The following FBXL20 variants were observed in gnomAD, a reference collection of about 807,000 sequenced individuals.
FBXL20 encodes the protein F-box/LRR-repeat protein 20.
FBXL20 carries 11 observed loss-of-function variants against 64.0 expected under a neutral mutation model. That is an observed-to-expected ratio of 0.17 (90% CI 0.11 to 0.28). The LOEUF (loss-of-function observed/expected upper bound fraction) is 0.28, where lower values mean the gene tolerates loss of function less well. Among genes scored for constraint, FBXL20 ranks in the 10% least tolerant of loss-of-function variants. The pLI, the probability that FBXL20 is intolerant of heterozygous loss-of-function variation, is 1.00. For synonymous variants in FBXL20, 184 were observed against 189.0 expected, an observed-to-expected ratio of 0.97 and a Z score of 0.22; for missense variants, 303 against 526.2, an observed-to-expected ratio of 0.58 and a Z score of 4.15.
rs921238757 is a variant in FBXL20, at chr17:39,316,861, C to T, written c.105-13222G>A. Among the ~76,000 whole-genome samples the T allele has an allele frequency of 1.1e-4, 16 of 152,272 alleles. 1 individual carries two copies. The highest frequency in any genetic ancestry group is 8.5e-4 in the Admixed American group (13 of 15,286). ...AAAATGAGCCGGGCATGGTGCTGGGCGCCTGTAATCCCAGCTACGCAGGAG... is the reference window on the plus strand; with the variant it reads ...AAAATGAGCCGGGCATGGTGCTGGGTGCCTGTAATCCCAGCTACGCAGGAG... On this transcript the variant is annotated intron_variant, in intron 2 of 14. Coordinates refer to ENST00000264658, the MANE Select transcript of FBXL20 (RefSeq NM_032875.3).
intron 6 of FBXL20, among the ~76,000 whole-genome samples, chr17:39,292,338 A>T (rs1281401028): frequency 6.7e-6 from 1 of 150,040 alleles, no homozygotes; most frequent in African/African-American, 2.5e-5. Context: ...CATTTTTTTA[A>T]ATTTTTGCAC....
At chr17:39,396,584 G>A (rs1417527360) in intron 1 of FBXL20, among the ~76,000 whole-genome samples, 6 of 126,586 alleles carry the variant, frequency 4.7e-5, no homozygotes, top group South Asian at 2.4e-4. Flanking sequence ...CGACAAAAGC[G>A]AAACTCCGTC....
intron 11 of FBXL20, among the ~76,000 whole-genome samples, chr17:39,270,407 G>A (rs982170171): frequency 1.1e-4 from 16 of 152,216 alleles, no homozygotes; most frequent in Non-Finnish European, 1.6e-4. Context: ...AGCTGGATGT[G>A]GTGGCACATG....
intron 6 of FBXL20, among the ~76,000 whole-genome samples, chr17:39,291,425 ACTTTT>A (rs1335191543): frequency 7.8e-5 from 11 of 141,116 alleles, no homozygotes; most frequent in Non-Finnish European, 1.5e-4. Context: ...TGATTTTAAA[ACTTTT>A]CTTTTTTTTT....
chr17:39,334,936 G>A (rs566728885), intron 2 of FBXL20, among the ~76,000 whole-genome samples: 12 of 152,294 alleles, frequency 7.9e-5, no homozygotes, highest in African/African-American at 2.9e-4. Flanking sequence ...GAAATTAAAA[G>A]AAATTAAAGA....
rs551879099 is a variant in FBXL20, at chr17:39,359,579, G to T, written c.43-16338C>A. 6.8e-4 allele frequency among the ~76,000 whole-genome samples: 104 copies of T among 152,172 alleles called. 1 individual carries two copies. Among genetic ancestry groups the T allele is most frequent in the African/African-American group, 2.3e-3 (97 of 41,512 alleles). On this transcript the variant is annotated intron_variant, in intron 1 of 14. Transcript: ENST00000264658. ...GATCACGCAACTGCACTCCGGCCTGGGCAACAAGAGTGAGACTCCATCTTG... is the reference window on the plus strand; with the variant it reads ...GATCACGCAACTGCACTCCGGCCTGTGCAACAAGAGTGAGACTCCATCTTG...
intron 1 of FBXL20, among the ~76,000 whole-genome samples, chr17:39,388,722 T>TCCACACACCTTGGCCTCC (rs1425849290): frequency 6.7e-6 from 1 of 150,288 alleles, no homozygotes; most frequent in Non-Finnish European, 1.5e-5. Flanking sequence ...GACCTCGCGA[T>TCCACACACCTTGGCCTCC]CCACCCACCT....
At chr17:39,387,578 CTTT>C (rs567825913) in intron 1 of FBXL20, among the ~76,000 whole-genome samples, 8 of 124,486 alleles carry the variant, frequency 6.4e-5, no homozygotes, top group Admixed American at 8.2e-5. Context: ...AGCGCCCAAT[CTTT>C]TTTTTTTTTT....
chr17:39,310,523 G>A (rs995567515), intron 2 of FBXL20, among the ~76,000 whole-genome samples: 1 of 152,014 alleles, frequency 6.6e-6, no homozygotes, highest in East Asian at 1.9e-4. Flanking sequence ...CGTGTTAGTC[G>A]ACTTGCAATA....
rs148565229 is a variant in FBXL20, at chr17:39,315,674, G to A, written c.105-12035C>T. Among the ~76,000 whole-genome samples, 125 of 152,046 alleles carry A rather than the reference G, an allele frequency of 8.2e-4. 2 individuals are homozygous for A. The East Asian group carries it at 0.017, about 21-fold the overall frequency. ...GCCTTGGGTAGAGTGTCAAAGTAAG[G>A]TGAGAAGGGCATCCACACAGAGGAT... On this transcript the variant is annotated intron_variant, in intron 2 of 14. Coordinates refer to ENST00000264658, the MANE Select transcript of FBXL20 (RefSeq NM_032875.3).
intron 1 of FBXL20, among the ~76,000 whole-genome samples, chr17:39,384,665 T>G (rs890893101): frequency 6.6e-6 from 1 of 151,958 alleles, no homozygotes; most frequent in Admixed American, 6.6e-5. Context: ...AGAAATAGAT[T>G]ACATAATTTG....
intron 1 of FBXL20, among the ~76,000 whole-genome samples, chr17:39,356,309 G>C (rs961500545): frequency 6.6e-6 from 1 of 151,868 alleles, no homozygotes; most frequent in Non-Finnish European, 1.5e-5. Context: ...GGTATGAGGT[G>C]AGAGCACAAC....
At chr17:39,277,378 C>T (rs1368788285) in intron 9 of FBXL20, among the ~76,000 whole-genome samples, 1 of 152,160 alleles carries the variant, frequency 6.6e-6, no homozygotes, top group African/African-American at 2.4e-5. Flanking sequence ...TAGAAAAGTA[C>T]CGTAGGGCTG....
Position 39,377,642 on chromosome 17 carries a change from A to G in FBXL20, c.42+23719T>C, listed in dbSNP as rs2047980640. ...CAGCCTCCTGAGTAGCTGGGACTAC[A>G]GGCGCCCACTACCACGCCCGGCTAA... On this transcript the variant is annotated intron_variant, in intron 1 of 14. Transcript: ENST00000264658. 2.6e-5 allele frequency among the ~76,000 whole-genome samples: 4 copies of G among 151,778 alleles called. 1 individual carries two copies. The South Asian group carries it at 8.3e-4, about 31-fold the overall frequency.
intron 7 of FBXL20, among the ~76,000 whole-genome samples, chr17:39,284,727 C>G (rs1180795687): frequency 6.6e-6 from 1 of 151,996 alleles, no homozygotes; most frequent in Non-Finnish European, 1.5e-5. Flanking sequence ...TAGGTTGAGC[C>G]ACATGTAGCT....
At chr17:39,311,045 T>C (rs917411024) in intron 2 of FBXL20, among the ~76,000 whole-genome samples, 4 of 151,974 alleles carry the variant, frequency 2.6e-5, no homozygotes, top group Admixed American at 1.3e-4. Flanking sequence ...CACGTATATG[T>C]AGCCCCAGCT....
intron 2 of FBXL20, among the ~76,000 whole-genome samples, chr17:39,313,226 T>G (rs1002777558): frequency 4.8e-5 from 7 of 146,908 alleles, no homozygotes; most frequent in African/African-American, 1.8e-4. Context: ...CATCTTTTTG[T>G]TTTTTTCTTA....
intron 6 of FBXL20, among the ~76,000 whole-genome samples, chr17:39,291,030 C>T (rs929148480): frequency 1.3e-5 from 2 of 151,384 alleles, no homozygotes; most frequent in African/African-American, 2.4e-5. Flanking sequence ...GGCGCGATCT[C>T]GGCTCACTGC....
At chr17:39,330,901 G>C (rs2144537803) in intron 2 of FBXL20, among the ~76,000 whole-genome samples, 1 of 152,310 alleles carries the variant, frequency 6.6e-6, no homozygotes, top group East Asian at 1.9e-4. Flanking sequence ...TTCTCCAAGA[G>C]AGATAAATGA....
Sources: gnomAD v4.1 joint callset for allele counts (sites outside exome capture counted in the v4.1 genomes callset) on GRCh38, gnomAD v4.1.1 for gene constraint, MANE v1.5 for transcripts, NCBI Gene and HGNC (gene_info 2026-07-23, HGNC 2026-07-21) for gene names.